The following HSPA12A variants were observed in gnomAD, a reference collection of about 807,000 sequenced individuals.
HSPA12A encodes the protein heat shock protein family A (Hsp70) member 12A, also known as heat shock 70 kDa protein 12A.
Under a neutral mutation model 69.2 loss-of-function variants are expected in HSPA12A, and 28 were observed. The ratio of observed to expected loss-of-function variants is 0.40; its 90% confidence interval spans 0.30 to 0.55. HSPA12A has a LOEUF of 0.55. HSPA12A is among the 20% of genes least tolerant of loss of function. The probability of loss-of-function intolerance (pLI) is 0.38; values close to 1 mark genes in which losing one functional copy is unlikely to be tolerated. For synonymous variants in HSPA12A, 345 were observed against 370.5 expected, an observed-to-expected ratio of 0.93 and a Z score of 0.79; for missense variants, 686 against 900.7, an observed-to-expected ratio of 0.76 and a Z score of 3.05.
chr10:116,841,527 T>G (rs1281647164), intron 1 of HSPA12A, among the ~76,000 whole-genome samples: 1 of 152,188 alleles, frequency 6.6e-6, no homozygotes, highest in Non-Finnish European at 1.5e-5. Flanking sequence ...AATCTATTTT[T>G]TAACATCTGG....
intron 2 of HSPA12A, among the ~76,000 whole-genome samples, chr10:116,802,914 T>A (rs1215757168): frequency 6.6e-6 from 1 of 152,256 alleles, no homozygotes; most frequent in Non-Finnish European, 1.5e-5. Flanking sequence ...CTCTTCTCCC[T>A]TTGTATGTCT....
chr10:116,842,259 A>G (rs564456900), intron 1 of HSPA12A, among the ~76,000 whole-genome samples: 24 of 152,188 alleles, frequency 1.6e-4, no homozygotes, highest in South Asian at 6.2e-4. Flanking sequence ...CCCAATCGAT[A>G]TTTACAAGAG....
intron 2 of HSPA12A, among the ~76,000 whole-genome samples, chr10:116,808,814 G>A (rs967233000): frequency 6.6e-6 from 1 of 152,102 alleles, no homozygotes; most frequent in Non-Finnish European, 1.5e-5. Flanking sequence ...TCACATTCCT[G>A]TACAGGGTGT....
chr10:116,849,516 A>C, intron 1 of HSPA12A: 1 of 1,452,324 alleles, frequency 6.9e-7, no homozygotes, highest in Admixed American at 2.5e-5. Flanking sequence ...GACAGCAGGG[A>C]CGCTCGTGGG....
intron 1 of HSPA12A, among the ~76,000 whole-genome samples, chr10:116,740,674 GT>G (rs1851468101): frequency 0.04 from 241 of 5,988 alleles, 1 homozygote; most frequent in African/African-American, 0.1. Context: ...GTGTGTGTGT[GT>G]CTGTGTGTGT....
intron 1 of HSPA12A, among the ~76,000 whole-genome samples, chr10:116,725,469 G>C (rs1477817507): frequency 6.6e-6 from 1 of 152,184 alleles, no homozygotes; most frequent in South Asian, 2.1e-4. Context: ...GGAGGACTGC[G>C]TGGCCCCCAA....
At chr10:116,769,754 C>T (rs573069345) in intron 2 of HSPA12A, among the ~76,000 whole-genome samples, 67 of 152,346 alleles carry the variant, frequency 4.4e-4, no homozygotes, top group Non-Finnish European at 6.5e-4. Flanking sequence ...ATGCACGAAG[C>T]AGCGCTCCAA....
chr10:116,680,542 G>A (rs1554878418), intron 9 of HSPA12A, among the ~76,000 whole-genome samples: 2 of 152,178 alleles, frequency 1.3e-5, no homozygotes. Context: ...TTGGAGTGCA[G>A]TGGCGCAATG....
chr10:116,821,582 T>C (rs1287380128), intron 2 of HSPA12A, among the ~76,000 whole-genome samples: 1 of 152,282 alleles, frequency 6.6e-6, no homozygotes, highest in Non-Finnish European at 1.5e-5. Context: ...TACATTAGAA[T>C]GGAAGCCCCA....
chr10:116,791,560 C>T (rs1333188086), intron 2 of HSPA12A, among the ~76,000 whole-genome samples: 2 of 152,106 alleles, frequency 1.3e-5, no homozygotes, highest in Non-Finnish European at 1.5e-5. Context: ...ATGCCTAATG[C>T]TATATCATTA....
chr10:116,754,040 C>G (rs563369456), intron 2 of HSPA12A, among the ~76,000 whole-genome samples: 1 of 152,324 alleles, frequency 6.6e-6, no homozygotes, highest in East Asian at 1.9e-4. Context: ...AGTAGAGACA[C>G]GGGCCGGGCC....
In HSPA12A at chr10:116,805,345, G is replaced by A. The variant is rs139047688; in HGVS notation, c.91+29590C>T. The stretch of plus-strand genomic sequence containing the variant: ...AAACAAAAACTGCAGGGAATTTTCA[G>A]GTAGTTCTATTCCATTTTAAAGCTG... On this transcript the variant is annotated intron_variant, in intron 2 of 12. Coordinates refer to the HSPA12A transcript ENST00000635765. Among the ~76,000 whole-genome samples, 649 of 152,172 alleles carry A rather than the reference G, an allele frequency of 4.3e-3. 4 individuals carry two copies. Among genetic ancestry groups the A allele is most frequent in the African/African-American group, 0.014 (592 of 41,528 alleles).
intron 5 of HSPA12A, among the ~76,000 whole-genome samples, chr10:116,693,259 G>A (rs1393405514): frequency 2.6e-5 from 4 of 152,226 alleles, no homozygotes; most frequent in East Asian, 3.9e-4. Context: ...AGAACCATGC[G>A]GCCCTTAACT....
At chr10:116,726,025 A>ACGCGCGCG (rs574451167) in intron 1 of HSPA12A, among the ~76,000 whole-genome samples, 2 of 67,852 alleles carry the variant, frequency 2.9e-5, no homozygotes, top group African/African-American at 9.9e-5. Context: ...ACACACACAC[A>ACGCGCGCG]CGCACACACA....
In HSPA12A at chr10:116,674,773, C is replaced by A. The variant is rs374902512; in HGVS notation, c.*8G>T. 1.9e-6 allele frequency: 3 copies of A among 1,597,402 alleles called. No individual in the cohort carries two copies. Among genetic ancestry groups the A allele is most frequent in the East Asian group, 2.2e-5 (1 of 44,624 alleles). The stretch of plus-strand genomic sequence containing the variant: ...GAGTCCAAGGGGACAGGCAGCGGGG[C>A]GGGAGGGTTAGTAATTTAAGAAGTC... On this transcript the variant is annotated 3_prime_UTR_variant, in exon 12 of 12. Coordinates refer to ENST00000369209, the MANE Select transcript of HSPA12A (RefSeq NM_025015.3).
intron 2 of HSPA12A, among the ~76,000 whole-genome samples, chr10:116,786,325 C>T (rs1450857588): frequency 1.3e-5 from 2 of 152,156 alleles, no homozygotes; most frequent in African/African-American, 2.4e-5. Context: ...CGCAGAACAA[C>T]TCCGCCTTGC....
At chr10:116,834,864 C>G (rs1845681381) in intron 2 of HSPA12A, 4 of 835,318 alleles carry the variant, frequency 4.8e-6, no homozygotes, top group Non-Finnish European at 6.4e-6. Flanking sequence ...TCCCTCTCGA[C>G]AGGAATGAGG....
intron 5 of HSPA12A, among the ~76,000 whole-genome samples, chr10:116,696,607 A>G (rs1185751153): frequency 6.6e-6 from 1 of 152,146 alleles, no homozygotes; most frequent in Non-Finnish European, 1.5e-5. Context: ...CAGCATTAGA[A>G]CAGACTAATA....
At chr10:116,742,621 C>CA, upstream of HSPA12A, 1 of 1,059,526 alleles carries the variant, frequency 9.4e-7, no homozygotes, top group Non-Finnish European at 1.1e-6. Context: ...GCAGCCACGG[C>CA]TCCTCCCCGG....
Sources: gnomAD v4.1 joint callset for allele counts (sites outside exome capture counted in the v4.1 genomes callset) on GRCh38, gnomAD v4.1.1 for gene constraint, MANE v1.5 for transcripts, NCBI Gene and HGNC (gene_info 2026-07-23, HGNC 2026-07-21) for gene names.